MID2: variants seen among roughly 807,000 people sequenced by gnomAD.
MID2 encodes the protein probable E3 ubiquitin-protein ligase MID2.
Under a neutral mutation model 46.1 loss-of-function variants are expected in MID2, and 13 were observed. That is an observed-to-expected ratio of 0.28 (90% CI 0.18 to 0.45). The LOEUF (loss-of-function observed/expected upper bound fraction) is 0.45, where lower values mean the gene tolerates loss of function less well. Among genes scored for constraint, MID2 ranks in the 20% least tolerant of loss-of-function variants. MID2 has a pLI of 1.00. For missense variants in MID2, 431 were observed against 575.4 expected, an observed-to-expected ratio of 0.75 and a Z score of 2.57; for synonymous variants, 199 against 212.3, an observed-to-expected ratio of 0.94 and a Z score of 0.55.
At chrX:107,885,231 C>T (rs1932424910) in intron 3 of MID2, among the ~76,000 whole-genome samples, 1 of 108,227 alleles carries the variant, frequency 9.2e-6, no homozygotes, top group Non-Finnish European at 1.9e-5. Flanking sequence ...ATTAACTCGT[C>T]ATTTACATTA....
Position 107,826,360 on chromosome X carries a change from T to A in MID2, c.-67T>A. 1 of 1,110,476 alleles carries A rather than the reference T, an allele frequency of 9.0e-7. No individual in the cohort carries two copies. The allele number at this position is 1,110,476 out of a possible 1,213,427, so 91.5% of individuals were successfully genotyped here. On this transcript the variant is annotated 5_prime_UTR_variant, in exon 1 of 10. Coordinates refer to ENST00000262843, the MANE Select transcript of MID2 (RefSeq NM_012216.4). The stretch of plus-strand genomic sequence containing the variant: ...CGCGCCGGAGCCCGAGCCAACCCGC[T>A]GCGGAGGCAGACGAGAGCCCAGCGC...
At chrX:107,863,200 T>C (rs1931894138) in intron 3 of MID2, among the ~76,000 whole-genome samples, 2 of 112,438 alleles carry the variant, frequency 1.8e-5, no homozygotes, top group South Asian at 3.7e-4. Flanking sequence ...CAATTCTTCA[T>C]TTATGTCAGT....
intron 3 of MID2, among the ~76,000 whole-genome samples, chrX:107,871,326 C>T (rs886096759): frequency 3.6e-5 from 4 of 111,602 alleles, no homozygotes; most frequent in African/African-American, 1.3e-4. Flanking sequence ...CCGTGTTCCA[C>T]GCCTTGCAGG....
At chrX:107,908,696 T>TAAA (rs770825707) in intron 5 of MID2, among the ~76,000 whole-genome samples, 9 of 66,997 alleles carry the variant, frequency 1.3e-4, no homozygotes, top group East Asian at 9.3e-4. Flanking sequence ...AGATTCCATC[T>TAAA]AAAAAAAAAA....
chrX:107,851,855 T>A (rs375161513), intron 2 of MID2, among the ~76,000 whole-genome samples: 1 of 93,829 alleles, frequency 1.1e-5, no homozygotes, highest in African/African-American at 3.9e-5. Context: ...TCTTTATACT[T>A]TTTATTTATT....
At chrX:107,845,147 G>C (rs1215874635) in intron 2 of MID2, among the ~76,000 whole-genome samples, 1 of 111,356 alleles carries the variant, frequency 9.0e-6, no homozygotes, top group African/African-American at 3.3e-5. Context: ...CAAAAGTATG[G>C]CATGTCCTTA....
At chrX:107,880,287 A>G (rs1355727231) in intron 3 of MID2, among the ~76,000 whole-genome samples, 1 of 110,476 alleles carries the variant, frequency 9.1e-6, no homozygotes, top group Non-Finnish European at 1.9e-5. Flanking sequence ...ATGCCTGGCT[A>G]ATTTTTAAAT....
At chrX:107,891,279 CT>C (rs753102005) in intron 3 of MID2, among the ~76,000 whole-genome samples, 2,402 of 93,304 alleles carry the variant, frequency 0.026, 83 homozygotes, top group African/African-American at 0.088. Context: ...TGTTTTATAC[CT>C]TTTTTTTTTT....
chrX:107,849,716 G>T (rs1377292826), intron 2 of MID2, among the ~76,000 whole-genome samples: 3 of 112,490 alleles, frequency 2.7e-5, no homozygotes, highest in Non-Finnish European at 5.6e-5. Context: ...AATCTGTTAT[G>T]CAAATCAGCC....
intron 1 of MID2, among the ~76,000 whole-genome samples, chrX:107,839,618 CCTTGG>C (rs774337541): frequency 1.8e-5 from 2 of 111,917 alleles, no homozygotes; most frequent in East Asian, 5.6e-4. Flanking sequence ...GATCCACCCA[CCTTGG>C]CCTCCCAAAG....
At chrX:107,852,265 A>G (rs1181403633) in intron 2 of MID2, among the ~76,000 whole-genome samples, 1 of 112,168 alleles carries the variant, frequency 8.9e-6, no homozygotes. Flanking sequence ...ATCTCTGTCT[A>G]TTAAAATTCT....
chrX:107,833,376 G>A (rs1282280348), intron 1 of MID2, among the ~76,000 whole-genome samples: 1 of 107,763 alleles, frequency 9.3e-6, no homozygotes, highest in East Asian at 2.8e-4. Flanking sequence ...AGAACTCATG[G>A]GACATTAATT....
chrX:107,854,491 C>A, intron 2 of MID2, 118 bp from the exon 3 acceptor site: 1 of 516,486 alleles, frequency 1.9e-6, no homozygotes, highest in Non-Finnish European at 3.4e-6. Flanking sequence ...CTAAATGAAT[C>A]TTTGAAACAT....
chrX:107,911,097 G>T (rs901117168), intron 5 of MID2, among the ~76,000 whole-genome samples: 2 of 108,482 alleles, frequency 1.8e-5, no homozygotes, highest in Non-Finnish European at 3.8e-5. Flanking sequence ...CCAGTGATCT[G>T]CCCACCTTGG....
chrX:107,894,712 G>A (rs1463157528), intron 3 of MID2: 1 of 111,413 alleles, frequency 9.0e-6, no homozygotes, highest in Non-Finnish European at 1.9e-5. Flanking sequence ...AACAAAAAGT[G>A]CTTAAACTTA....
Position 107,926,177 on chromosome X carries a change from A to T in MID2, c.1681A>T (p.Ser561Cys). 2.5e-6 allele frequency: 3 copies of T among 1,207,683 alleles called. No homozygotes were observed. Among genetic ancestry groups the T allele is most frequent in the Non-Finnish European group, 3.4e-6 (3 of 892,238 alleles). The change falls in exon 9 of 10, where the codon AGC becomes TGC. Residue 561 changes from serine (S) to cysteine (C), a missense_variant. Ser to Cys is a moderately radical substitution (Grantham distance 112, BLOSUM62 -1). Transcript: ENST00000262843. ...TGGATTGCAGATGGAGAAGGATGAA[A>T]GCTCTCTAAAGAAGAGCCACACCCC... ...NDGLQMEKDE[S>C]SLKKSHTPER...
chrX:107,854,635 C>T lies in MID2; in HGVS notation c.747C>T (p.Asn249=), dbSNP rs779032434. The stretch of plus-strand genomic sequence containing the variant: ...AAACTCTGGAGATGAACCTCACCAA[C>T]CTGGTTAAGCGCAACAGCGAACTAG... The part of the protein sequence containing the change: ...LKQTLEMNLT[N]LVKRNSELEN... The change falls in exon 3 of 10, where the codon AAC becomes AAT. Residue 249 remains asparagine (N), a synonymous_variant. Coordinates refer to ENST00000262843, the MANE Select transcript of MID2 (RefSeq NM_012216.4). 8.3e-7 allele frequency: 1 copy of T among 1,210,735 alleles called. No individual in the cohort carries two copies. Among genetic ancestry groups the T allele is most frequent in the South Asian group, 1.8e-5 (1 of 56,914 alleles).
chrX:107,863,328 C>A (rs1343420371), intron 3 of MID2, among the ~76,000 whole-genome samples: 1 of 111,940 alleles, frequency 8.9e-6, no homozygotes, highest in Non-Finnish European at 1.9e-5. Flanking sequence ...TCGCCCTCCT[C>A]CCTCACATCT....
At chrX:107,844,180 A>G (rs988474443) in intron 2 of MID2, among the ~76,000 whole-genome samples, 2 of 111,558 alleles carry the variant, frequency 1.8e-5, no homozygotes, top group South Asian at 3.8e-4. Context: ...GTTATAGATG[A>G]AAAGTCAGAA....
Sources: allele counts gnomAD v4.1 joint callset (sites outside exome capture counted in the v4.1 genomes callset), GRCh38; gene constraint gnomAD v4.1.1; transcripts MANE v1.5; gene names NCBI Gene and HGNC (gene_info 2026-07-23, HGNC 2026-07-21).